Variants in CCDC178 observed in about 807,000 individuals in gnomAD.
The protein encoded by CCDC178 is coiled-coil domain containing 178.
In CCDC178, 126 loss-of-function variants were observed where a neutral mutation model predicts 117.4. The ratio of observed to expected loss-of-function variants is 1.07; its 90% CI spans 0.93 to 1.24. The LOEUF (loss-of-function observed/expected upper bound fraction) is 1.24, where lower values mean the gene tolerates loss of function less well. Among genes scored for constraint, CCDC178 ranks in the 50% most tolerant of loss-of-function variants. The probability of loss-of-function intolerance (pLI) is 0.00; values close to 1 mark genes in which losing one functional copy is unlikely to be tolerated. For synonymous variants in CCDC178, 283 were observed against 313.4 expected (o/e 0.90, Z 1.02); for missense variants, 1,030 against 986.9 (o/e 1.04, Z -0.59).
chr18:33,183,832 A>G (rs188189915), intron 20 of CCDC178, among the ~76,000 whole-genome samples: 219 of 152,174 alleles, frequency 1.4e-3, no homozygotes, highest in Non-Finnish European at 2.7e-3. Context: ...GATCTATAGA[A>G]TTTTCATGAT....
chr18:32,984,559 A>G (rs2055223047), intron 21 of CCDC178, among the ~76,000 whole-genome samples: 1 of 151,976 alleles, frequency 6.6e-6, no homozygotes, highest in Non-Finnish European at 1.5e-5. Flanking sequence ...AGTAGTTTAT[A>G]TATTTTGCTT....
intron 11 of CCDC178, among the ~76,000 whole-genome samples, chr18:33,308,728 A>G (rs1233054825): frequency 1.3e-5 from 2 of 152,168 alleles, no homozygotes; most frequent in Non-Finnish European, 2.9e-5. Context: ...CAGTTCCCCC[A>G]TACTATTCTC....
At chr18:33,405,445 T>C (rs937606798) in intron 3 of CCDC178, among the ~76,000 whole-genome samples, 9 of 151,634 alleles carry the variant, frequency 5.9e-5, no homozygotes, top group Admixed American at 3.9e-4. Context: ...AAATAAAAAA[T>C]CCTTTGGAAT....
chr18:33,279,733 G>A (rs1162694510), intron 12 of CCDC178, among the ~76,000 whole-genome samples: 1 of 152,114 alleles, frequency 6.6e-6, no homozygotes, highest in African/African-American at 2.4e-5. Flanking sequence ...AAAACAGCAT[G>A]GTACTGGTAC....
chr18:33,365,792 A>G lies in CCDC178; in HGVS notation c.348+4258T>C, dbSNP rs147865880. ...TGCTCACTCTAAATTAAATAAAACT[A>G]TTTACAGTCTAGGCAGTCTAAGAGA... On this transcript the variant is annotated intron_variant, in intron 6 of 22. Coordinates refer to ENST00000383096, the MANE Select transcript of CCDC178 (RefSeq NM_001105528.4). Among the ~76,000 whole-genome samples the G allele has an allele frequency of 2.9e-3, 440 of 152,228 alleles. 3 individuals carry two copies. Among genetic ancestry groups the G allele is most frequent in the African/African-American group, 0.01 (418 of 41,558 alleles).
At chr18:33,186,911 T>G (rs1462921750) in intron 20 of CCDC178, among the ~76,000 whole-genome samples, 1 of 152,062 alleles carries the variant, frequency 6.6e-6, no homozygotes, top group African/African-American at 2.4e-5. Flanking sequence ...GAGGTTGTGA[T>G]GGACAGACAG....
chr18:33,217,530 AT>A (rs959481142), intron 18 of CCDC178, among the ~76,000 whole-genome samples: 66 of 150,886 alleles, frequency 4.4e-4, no homozygotes, highest in African/African-American at 9.3e-4. Context: ...ATATTTTTAG[AT>A]TTTTTTTTAA....
intron 21 of CCDC178, among the ~76,000 whole-genome samples, chr18:33,040,825 A>G (rs952162886): frequency 2.0e-5 from 3 of 151,982 alleles, no homozygotes; most frequent in Non-Finnish European, 4.4e-5. Context: ...TCCTGAGGAC[A>G]ATGCTGGTGA....
intron 5 of CCDC178, 57 bp from the exon 6 acceptor site, chr18:33,370,246 T>C (rs894597604): frequency 2.1e-5 from 28 of 1,361,678 alleles, no homozygotes; most frequent in Non-Finnish European, 2.7e-5. Context: ...TAAATTTTGA[T>C]GTTCAGAATA....
intron 20 of CCDC178, among the ~76,000 whole-genome samples, chr18:33,122,642 G>C (rs8096707): frequency 1.3e-5 from 2 of 152,072 alleles, no homozygotes; most frequent in African/African-American, 2.4e-5. Context: ...GCCATGGACA[G>C]ATGATAAATG....
chr18:33,267,128 T>A (rs2059828475), intron 13 of CCDC178, 74 bp downstream of exon 13: 5 of 1,523,716 alleles, frequency 3.3e-6, no homozygotes, highest in Non-Finnish European at 4.4e-6. Flanking sequence ...ATGAAATCAC[T>A]TTTAGATATA....
intron 13 of CCDC178, 32 bp from the exon 14 acceptor site, chr18:33,267,084 C>T: frequency 2.6e-6 from 4 of 1,558,964 alleles, no homozygotes; most frequent in Non-Finnish European, 3.5e-6. Context: ...ATCATTCATA[C>T]ATGTCTAATT....
chr18:33,390,152 T>C (rs2063547155), intron 4 of CCDC178, among the ~76,000 whole-genome samples: 1 of 151,350 alleles, frequency 6.6e-6, no homozygotes, highest in Admixed American at 6.6e-5. Flanking sequence ...TTGTAATTGC[T>C]AGATTAAGAA....
At position 32,937,948 on chromosome 18, in the gene CCDC178, T is replaced by C. The variant is rs1783021879; in HGVS notation, c.*63A>G. 4 of 1,291,114 alleles carry C rather than the reference T, an allele frequency of 3.1e-6. No individual in the cohort carries two copies. The Admixed American group carries it at 5.1e-5, about 16-fold the overall frequency. 80.0% of individuals were successfully genotyped at this position (1,291,114 alleles called of 1,614,324 possible). A position where few individuals can be genotyped will look rare whatever the true frequency, so the allele number is the denominator to read the frequency against. ...ACAGGTGAATGTCCAATTACACTGT[T>C]ATCTGAACTGTGTGACTTTTCTTGT... On this transcript the variant is annotated 3_prime_UTR_variant, in exon 23 of 23. Transcript: ENST00000383096.
intron 5 of CCDC178, among the ~76,000 whole-genome samples, chr18:33,380,457 A>G (rs1047706789): frequency 9.9e-5 from 15 of 152,154 alleles, no homozygotes. Context: ...TGAGTCTAAG[A>G]AAGTACCTGT....
intron 20 of CCDC178, among the ~76,000 whole-genome samples, chr18:33,201,970 G>T (rs777507374): frequency 1.3e-5 from 2 of 152,028 alleles, no homozygotes; most frequent in African/African-American, 4.8e-5. Flanking sequence ...TTTATTTCAA[G>T]GTTTTTATGT....
At chr18:33,180,824 A>G (rs777497871) in intron 20 of CCDC178, among the ~76,000 whole-genome samples, 1 of 152,052 alleles carries the variant, frequency 6.6e-6, no homozygotes, top group Admixed American at 6.6e-5. Flanking sequence ...TTAAATTGTG[A>G]AAGTATGGGG....
intron 6 of CCDC178, among the ~76,000 whole-genome samples, chr18:33,365,264 T>C (rs1455894860): frequency 2.0e-5 from 3 of 152,078 alleles, no homozygotes; most frequent in Admixed American, 6.6e-5. Context: ...AGTTAAAAAA[T>C]AGATATGAAG....
At chr18:33,152,299 C>T (rs2058350173) in intron 20 of CCDC178, among the ~76,000 whole-genome samples, 1 of 152,024 alleles carries the variant, frequency 6.6e-6, no homozygotes, top group Non-Finnish European at 1.5e-5. Context: ...GAAATATAAA[C>T]CAAAATCATT....
Sources: allele counts gnomAD v4.1 joint callset (sites outside exome capture counted in the v4.1 genomes callset), GRCh38; gene constraint gnomAD v4.1.1; transcripts MANE v1.5; gene names NCBI Gene and HGNC (gene_info 2026-07-23, HGNC 2026-07-21).